The following KANK1 variants were observed in gnomAD, a reference collection of about 807,000 sequenced individuals.
The protein encoded by KANK1 is KN motif and ankyrin repeat domain-containing protein 1.
KANK1 carries 109 observed loss-of-function variants against 106.2 expected under a neutral mutation model. The ratio of observed to expected loss-of-function variants is 1.03; its 90% CI spans 0.88 to 1.20. The LOEUF is 1.20. Among genes scored for constraint, KANK1 ranks in the 50% most tolerant of loss-of-function variants. KANK1 has a pLI of 0.00. For synonymous variants in KANK1, 873 were observed against 652.2 expected (o/e 1.34, Z -5.16); for missense variants, 2,399 against 1,710.7 (o/e 1.40, Z -7.10).
At chr9:729,628 C>G (rs1284042344) in intron 3 of KANK1, among the ~76,000 whole-genome samples, 1 of 152,198 alleles carries the variant, frequency 6.6e-6, no homozygotes, top group Non-Finnish European at 1.5e-5. Flanking sequence ...ATCTCTGGCT[C>G]TGCAGTGTGG....
Position 559,493 on chromosome 9 carries a change from C to T in KANK1, c.-84+54739C>T, listed in dbSNP as rs548603370. Among the ~76,000 whole-genome samples the T allele has an allele frequency of 2.6e-5, 4 of 152,106 alleles. No homozygotes were observed. In the South Asian group the frequency reaches 8.3e-4, roughly 32 times the overall value. On this transcript the variant is annotated intron_variant, in intron 1 of 11. Coordinates refer to ENST00000382297, the MANE Select transcript of KANK1 (RefSeq NM_015158.5). ...TGAAATTGAGTTTGAGTGTCCAGGC[C>T]TGGTTTCATTATATCTTGGGACACT...
At chr9:495,255 C>T (rs2058439395) in intron 3 of KANK1, 1 of 152,256 alleles carries the variant, frequency 6.6e-6, no homozygotes, top group Admixed American at 6.5e-5. Context: ...CTCCCCTCCT[C>T]TGGCTGTCCT....
intron 3 of KANK1, among the ~76,000 whole-genome samples, chr9:490,816 C>CT (rs543672518): frequency 3.9e-4 from 60 of 152,210 alleles, no homozygotes; most frequent in South Asian, 2.5e-3. Flanking sequence ...GAACAAAATT[C>CT]TTGCTCTTGT....
intron 1 of KANK1, among the ~76,000 whole-genome samples, chr9:669,023 T>C (rs990034753): frequency 1.3e-5 from 2 of 152,040 alleles, no homozygotes; most frequent in African/African-American, 4.8e-5. Context: ...GGCTCAGGAG[T>C]TGGAGATCCC....
At chr9:570,099 G>C (rs1480515411) in intron 1 of KANK1, among the ~76,000 whole-genome samples, 1 of 152,036 alleles carries the variant, frequency 6.6e-6, no homozygotes, top group Non-Finnish European at 1.5e-5. Flanking sequence ...TTAGATGTCT[G>C]TTGTTTCTGT....
intron 1 of KANK1, among the ~76,000 whole-genome samples, chr9:640,470 T>C (rs569508898): frequency 1.1e-4 from 16 of 151,956 alleles, no homozygotes; most frequent in Middle Eastern, 3.4e-3. Context: ...TAATCTCGGA[T>C]TACTGCAACC....
At chr9:612,923 G>A (rs980748069) in intron 1 of KANK1, among the ~76,000 whole-genome samples, 3 of 152,134 alleles carry the variant, frequency 2.0e-5, no homozygotes, top group African/African-American at 7.2e-5. Context: ...TATGCCTATG[G>A]TTACATGCAG....
intron 2 of KANK1, among the ~76,000 whole-genome samples, chr9:677,960 C>T (rs898677096): frequency 6.6e-6 from 1 of 152,144 alleles, no homozygotes; most frequent in African/African-American, 2.4e-5. Flanking sequence ...GTGAGCGCAC[C>T]AGAAACATAC....
At chr9:607,270 G>C (rs963602235) in intron 1 of KANK1, among the ~76,000 whole-genome samples, 4 of 151,722 alleles carry the variant, frequency 2.6e-5, no homozygotes, top group African/African-American at 9.8e-5. Context: ...TGGATCACTT[G>C]AGGTCAGAAG....
chr9:498,233 T>G (rs550934554), intron 3 of KANK1, among the ~76,000 whole-genome samples: 1 of 152,190 alleles, frequency 6.6e-6, no homozygotes, highest in Non-Finnish European at 1.5e-5. Context: ...CAATTCCAAG[T>G]ATTTAGCAGA....
chr9:634,347 T>G (rs1303474268), intron 1 of KANK1, among the ~76,000 whole-genome samples: 1 of 152,162 alleles, frequency 6.6e-6, no homozygotes, highest in Non-Finnish European at 1.5e-5. Context: ...CTGGACTTCC[T>G]TGGTTGAGTT....
chr9:534,897 G>A (rs2060226209), intron 1 of KANK1, among the ~76,000 whole-genome samples: 1 of 152,228 alleles, frequency 6.6e-6, no homozygotes. Context: ...TTTGAGTTGT[G>A]TATTGTAATT....
intron 1 of KANK1, among the ~76,000 whole-genome samples, chr9:570,795 T>G (rs1234604634): frequency 6.6e-6 from 1 of 152,250 alleles, no homozygotes; most frequent in Non-Finnish European, 1.5e-5. Context: ...TAAAGTCATT[T>G]AAGACCCGTT....
intron 1 of KANK1, among the ~76,000 whole-genome samples, chr9:670,601 C>T (rs989113948): frequency 6.6e-5 from 10 of 152,272 alleles, no homozygotes; most frequent in East Asian, 5.8e-4. Context: ...CTACCTCCTA[C>T]AGCATAGTGC....
At chr9:528,137 G>T (rs899758680) in intron 1 of KANK1, among the ~76,000 whole-genome samples, 5 of 148,404 alleles carry the variant, frequency 3.4e-5, no homozygotes, top group Non-Finnish European at 5.9e-5. Context: ...ACTCCGTCTC[G>T]GGAAAAAAAA....
At chr9:633,203 A>G (rs1034354483) in intron 1 of KANK1, among the ~76,000 whole-genome samples, 5 of 152,044 alleles carry the variant, frequency 3.3e-5, no homozygotes, top group African/African-American at 7.2e-5. Flanking sequence ...CACGCCTGCA[A>G]TCCCAGCACT....
chr9:663,348 C>T (rs1185620518), intron 1 of KANK1, among the ~76,000 whole-genome samples: 1 of 152,168 alleles, frequency 6.6e-6, no homozygotes, highest in African/African-American at 2.4e-5. Flanking sequence ...CAAGACCCCA[C>T]TAACACAGTC....
intron 3 of KANK1, among the ~76,000 whole-genome samples, chr9:478,580 T>C (rs1400456222): frequency 6.6e-6 from 1 of 152,158 alleles, no homozygotes. Context: ...TATACAAATC[T>C]AAAGCCCACT....
At chr9:730,292 C>A in intron 4 of KANK1, 44 bp downstream of exon 4, 2 of 1,517,486 alleles carry the variant, frequency 1.3e-6, no homozygotes, top group Non-Finnish European at 1.8e-6. Flanking sequence ...GATTCTAGGG[C>A]CAGCATTGCC....
Sources: allele counts gnomAD v4.1 joint callset (sites outside exome capture counted in the v4.1 genomes callset), GRCh38; gene constraint gnomAD v4.1.1; transcripts MANE v1.5; gene names NCBI Gene and HGNC (gene_info 2026-07-23, HGNC 2026-07-21).